LRP2: variants seen among roughly 807,000 people sequenced by gnomAD.
LRP2 encodes LDL receptor related protein 2, also known as low-density lipoprotein receptor-related protein 2.
LRP2 carries 172 observed loss-of-function variants against 531.0 expected under a neutral mutation model. The observed-to-expected ratio is 0.32, with a 90% confidence interval of 0.29 to 0.37. The LOEUF (loss-of-function observed/expected upper bound fraction) is 0.37, where lower values mean the gene tolerates loss of function less well. LRP2 is among the 10% of genes least tolerant of loss of function. LRP2 has a pLI of 1.00. For synonymous variants in LRP2, 1,992 were observed against 2,027.6 expected (o/e 0.98, Z 0.47); for missense variants, 5,167 against 5,868.3 (o/e 0.88, Z 3.90).
At position 169,202,975 on chromosome 2, in the gene LRP2, C is replaced by A. The variant is rs1273843628; in HGVS notation, c.8006-16G>T. ...CCATTTGGACCTGAAGAAAGATAAT[C>A]CCAGAAGAAGTAAAAGATGGATGCA... On this transcript the variant is annotated splice_polypyrimidine_tract_variant and intron_variant, in intron 42 of 78. Coordinates refer to ENST00000649046, the MANE Select transcript of LRP2 (RefSeq NM_004525.3). 2 of 1,611,320 alleles carry A rather than the reference C, an allele frequency of 1.2e-6. No individual in the cohort carries two copies. The highest frequency in any genetic ancestry group is 1.7e-6 in the Non-Finnish European group (2 of 1,177,876).
At chr2:169,213,623 C>A (rs762471451) in intron 36 of LRP2, 34 bp downstream of exon 36, 1 of 1,523,858 alleles carries the variant, frequency 6.6e-7, no homozygotes, top group African/African-American at 1.4e-5. Flanking sequence ...ATGCATTATA[C>A]ACCCATGAAT....
intron 52 of LRP2, 36 bp from the exon 53 acceptor site, chr2:169,178,062 G>C (rs199611459): frequency 7.0e-7 from 1 of 1,435,464 alleles, no homozygotes; most frequent in Non-Finnish European, 9.8e-7. Context: ...TGTGATAAAG[G>C]TAATTCCTCT....
chr2:169,234,460 T>G (rs2105373017), intron 29 of LRP2, among the ~76,000 whole-genome samples: 1 of 152,354 alleles, frequency 6.6e-6, no homozygotes, highest in Admixed American at 6.5e-5. Flanking sequence ...TCCATATCCC[T>G]GCAAAGGACA....
At position 169,331,720 on chromosome 2, in the gene LRP2, C is replaced by G. The variant is rs3770628; in HGVS notation, c.80-10836G>C. Among the ~76,000 whole-genome samples the G allele has an allele frequency of 1.8e-3, 270 of 152,316 alleles. 3 individuals carry two copies. The East Asian group carries it at 0.037, about 21-fold the overall frequency. On this transcript the variant is annotated intron_variant, in intron 1 of 78. Coordinates refer to ENST00000649046, the MANE Select transcript of LRP2 (RefSeq NM_004525.3). ...AGGACCCAATGAATCAAACTACTTA[C>G]AAGAATAACATGCCCTTCAGCACCT... is the stretch of plus-strand genomic sequence containing the variant.
Position 169,213,848 on chromosome 2 carries a change from C to T in LRP2, c.5849G>A (p.Gly1950Glu), listed in dbSNP as rs1468960437. The change falls in exon 36 of 79, where the codon GGA (glycine) becomes GAA (glutamate). Residue 1950 changes from glycine to glutamate, a missense_variant. Gly to Glu is a moderately conservative substitution (Grantham distance 98). This residue lies in a region of LRP2 where 2,811 missense variants were observed against 3,058.0 expected (regional missense o/e 0.92). Coordinates refer to ENST00000649046, the MANE Select transcript of LRP2 (RefSeq NM_004525.3). ...RGVIERGNVDGTDRMILVHQL... is the reference protein window; with the variant it reads ...RGVIERGNVDETDRMILVHQL... ...GTGTACCAGGATCATTCGATCTGTT[C>T]CATCCACGTTTCCTCTTTCAATCTA... 1 of 1,613,246 alleles carries T rather than the reference C, an allele frequency of 6.2e-7. No homozygotes were observed. The highest frequency in any genetic ancestry group is 1.3e-5 in the African/African-American group (1 of 74,868).
intron 76 of LRP2, among the ~76,000 whole-genome samples, chr2:169,134,188 G>A (rs904670458): frequency 8.8e-5 from 12 of 135,878 alleles, no homozygotes; most frequent in African/African-American, 1.7e-4. Flanking sequence ...TCATGTCTGC[G>A]TGCAGCGGCT....
rs567718396 is a variant in LRP2 at position 169,335,315 on chromosome 2, C to T, written c.80-14431G>A. Among the ~76,000 whole-genome samples the T allele has an allele frequency of 4.6e-5, 7 of 152,186 alleles. No individual in the cohort carries two copies. In the South Asian group the frequency reaches 1.5e-3, roughly 32 times the overall value. ...TACTGTAGGTGTATAATTCCATCAC[C>T]AAAAAGAAATTGATGATAAACATAC... On this transcript the variant is annotated intron_variant, in intron 1 of 78. Transcript: ENST00000649046.
intron 1 of LRP2, among the ~76,000 whole-genome samples, chr2:169,357,264 T>C (rs1373600854): frequency 7.3e-6 from 1 of 136,644 alleles, no homozygotes; most frequent in Non-Finnish European, 1.5e-5. Flanking sequence ...CTACTTTCTT[T>C]TCTTTTTTTT....
intron 3 of LRP2, among the ~76,000 whole-genome samples, chr2:169,310,223 C>G (rs1190635187): frequency 6.6e-6 from 1 of 152,172 alleles, no homozygotes; most frequent in Non-Finnish European, 1.5e-5. Context: ...ATTTCTTTCT[C>G]CTGCCTGATT....
chr2:169,134,427 C>G (rs1172769268), intron 76 of LRP2, among the ~76,000 whole-genome samples: 1 of 152,184 alleles, frequency 6.6e-6, no homozygotes, highest in Admixed American at 6.5e-5. Context: ...GGATACCACA[C>G]CTGACCCCCA....
At chr2:169,323,545 G>A (rs1684960165) in intron 1 of LRP2, among the ~76,000 whole-genome samples, 1 of 151,086 alleles carries the variant, frequency 6.6e-6, no homozygotes, top group African/African-American at 2.4e-5. Flanking sequence ...TGAGTGTTTT[G>A]TTTTAAATAA....
intron 10 of LRP2, among the ~76,000 whole-genome samples, chr2:169,281,733 A>T (rs1015061183): frequency 1.3e-5 from 2 of 151,646 alleles, no homozygotes; most frequent in Non-Finnish European, 2.9e-5. Context: ...TAAATAAATA[A>T]AAATAAATAA....
At chr2:169,281,078 C>A (rs1335715844) in intron 10 of LRP2, among the ~76,000 whole-genome samples, 2 of 152,044 alleles carry the variant, frequency 1.3e-5, no homozygotes, top group African/African-American at 4.8e-5. Context: ...CAGTAGAGGA[C>A]TAGTTAAACA....
chr2:169,296,833 C>T (rs1385027432), intron 4 of LRP2, among the ~76,000 whole-genome samples: 1 of 152,112 alleles, frequency 6.6e-6, no homozygotes, highest in Non-Finnish European at 1.5e-5. Flanking sequence ...AAGGCCCATT[C>T]CCCACCCAAC....
intron 28 of LRP2, 97 bp from the exon 29 acceptor site, chr2:169,236,165 T>A: frequency 1.1e-6 from 1 of 890,876 alleles, no homozygotes; most frequent in Non-Finnish European, 1.8e-6. Flanking sequence ...TATGCCCTGC[T>A]TAAAATAAAT....
intron 68 of LRP2, 46 bp downstream of exon 68, chr2:169,150,852 T>C (rs1392729040): frequency 2.5e-6 from 4 of 1,611,460 alleles, no homozygotes; most frequent in Admixed American, 3.3e-5. Flanking sequence ...TTGATGAGAA[T>C]CCAGGGAGAA....
chr2:169,337,965 G>A (rs1419244279), intron 1 of LRP2, among the ~76,000 whole-genome samples: 1 of 152,018 alleles, frequency 6.6e-6, no homozygotes, highest in African/African-American at 2.4e-5. Context: ...AAATTAACCA[G>A]GTGTGATGGT....
chr2:169,237,034 T>C, intron 28 of LRP2, 69 bp downstream of exon 28: 3 of 1,320,748 alleles, frequency 2.3e-6, no homozygotes, highest in African/African-American at 1.4e-5. Flanking sequence ...ATCAGCTACA[T>C]CATGTTACTG....
chr2:169,343,273 G>A (rs927201901), intron 1 of LRP2, among the ~76,000 whole-genome samples: 1 of 152,116 alleles, frequency 6.6e-6, no homozygotes, highest in Non-Finnish European at 1.5e-5. Context: ...AAACATTCTT[G>A]GGGGAAGAAA....
Sources: gnomAD v4.1 joint callset for allele counts (sites outside exome capture counted in the v4.1 genomes callset) on GRCh38, gnomAD v4.1.1 for gene constraint, gnomAD v4.1.1 regional missense constraint, MANE v1.5 for transcripts, NCBI Gene and HGNC (gene_info 2026-07-23, HGNC 2026-07-21) for gene names.